The following BICD1 variants were observed in gnomAD, a reference collection of about 807,000 sequenced individuals.
BICD1 encodes the protein BICD cargo adaptor 1, also known as protein bicaudal D homolog 1.
BICD1 carries 35 observed loss-of-function variants against 92.5 expected under a neutral mutation model. The observed-to-expected ratio is 0.38, with a 90% CI of 0.29 to 0.50. BICD1 has a LOEUF of 0.50. Among genes scored for constraint, BICD1 ranks in the 20% least tolerant of loss-of-function variants. The pLI is 0.93. For missense variants in BICD1, 950 were observed against 1,189.8 expected (o/e 0.80, Z 2.97); for synonymous variants, 429 against 465.1 (o/e 0.92, Z 1.00).
intron 2 of BICD1, among the ~76,000 whole-genome samples, chr12:32,228,381 G>C (rs141413736): frequency 1.3e-5 from 2 of 152,230 alleles, no homozygotes; most frequent in African/African-American, 4.8e-5. Flanking sequence ...CTGCTCTATT[G>C]ATCTGTGTGT....
chr12:32,234,596 CAA>C (rs758851036), intron 2 of BICD1, among the ~76,000 whole-genome samples: 3 of 76,314 alleles, frequency 3.9e-5, no homozygotes, highest in Admixed American at 3.2e-4. Flanking sequence ...AACTCCGTCT[CAA>C]AAAAAAAAAA....
chr12:32,124,188 C>A (rs1942250587), intron 1 of BICD1, among the ~76,000 whole-genome samples: 1 of 152,164 alleles, frequency 6.6e-6, no homozygotes, highest in South Asian at 2.1e-4. Flanking sequence ...GTCTGTTATT[C>A]ATTTATTTAT....
intron 4 of BICD1, among the ~76,000 whole-genome samples, chr12:32,320,519 G>GT (rs1310021420): frequency 2.6e-5 from 4 of 152,266 alleles, no homozygotes; most frequent in African/African-American, 9.6e-5. Context: ...GCACGTGCCT[G>GT]TAATCCCAGC....
At chr12:32,293,331 T>G (rs1947771873) in intron 2 of BICD1, among the ~76,000 whole-genome samples, 2 of 152,122 alleles carry the variant, frequency 1.3e-5, no homozygotes, top group African/African-American at 4.8e-5. Context: ...TTTTTTTCTG[T>G]TTTTGAGATA....
intron 2 of BICD1, among the ~76,000 whole-genome samples, chr12:32,242,458 C>T (rs1308577904): frequency 6.6e-6 from 1 of 151,712 alleles, no homozygotes; most frequent in Non-Finnish European, 1.5e-5. Flanking sequence ...CCCCAGGAGG[C>T]GGACGTTGCA....
At position 32,138,883 on chromosome 12, in the gene BICD1, G is replaced by T. The variant is rs560701843; in HGVS notation, c.213+31339G>T. On this transcript the variant is annotated intron_variant, in intron 1 of 9. Coordinates refer to ENST00000652176, the MANE Select transcript of BICD1 (RefSeq NM_001714.4). ...TATAATTAGATATCTATATATAATA[G>T]ATTCTATGCTATGGGCATTGTAAGT... 5.3e-5 allele frequency among the ~76,000 whole-genome samples: 8 copies of T among 152,242 alleles called. No homozygotes were observed. In the South Asian group the frequency reaches 1.0e-3, roughly 20 times the overall value.
intron 2 of BICD1, among the ~76,000 whole-genome samples, chr12:32,260,211 C>T (rs1946822609): frequency 6.6e-6 from 1 of 152,210 alleles, no homozygotes; most frequent in Non-Finnish European, 1.5e-5. Flanking sequence ...AGGCATGAGC[C>T]ACCACGCCCA....
At chr12:32,355,658 T>G (rs1310356915) in intron 8 of BICD1, among the ~76,000 whole-genome samples, 2 of 151,874 alleles carry the variant, frequency 1.3e-5, no homozygotes, top group Admixed American at 1.3e-4. Context: ...AAAAATTAGC[T>G]GGGCGTGGTA....
At chr12:32,250,131 A>G (rs1339529130) in intron 2 of BICD1, among the ~76,000 whole-genome samples, 1 of 152,112 alleles carries the variant, frequency 6.6e-6, no homozygotes, top group Non-Finnish European at 1.5e-5. Context: ...ATCACAAAGA[A>G]ATTCTGTTTA....
chr12:32,329,386 C>T (rs1006419989), intron 5 of BICD1, among the ~76,000 whole-genome samples: 3 of 152,056 alleles, frequency 2.0e-5, no homozygotes, highest in African/African-American at 7.2e-5. Context: ...CATGAACCAC[C>T]GCGCCCAGCC....
chr12:32,245,348 G>A (rs1387454583), intron 2 of BICD1, among the ~76,000 whole-genome samples: 1 of 151,206 alleles, frequency 6.6e-6, no homozygotes, highest in Non-Finnish European at 1.5e-5. Flanking sequence ...CCAGGTTCAC[G>A]CCATTCTCAA....
Position 32,278,663 on chromosome 12 carries a change from C to A in BICD1, c.427-15331C>A, listed in dbSNP as rs577812151. Among the ~76,000 whole-genome samples the A allele has an allele frequency of 1.1e-4, 16 of 152,200 alleles. No homozygotes were observed. The South Asian group carries it at 3.3e-3, about 32-fold the overall frequency. The stretch of plus-strand genomic sequence containing the variant: ...GGTCAGGAGATCGAGACCATCCTGG[C>A]TAACACAGTGAAACCCTGTCTCTAC... On this transcript the variant is annotated intron_variant, in intron 2 of 9. Transcript: ENST00000652176.
intron 2 of BICD1, among the ~76,000 whole-genome samples, chr12:32,237,304 A>G (rs1004143009): frequency 6.6e-6 from 1 of 152,226 alleles, no homozygotes; most frequent in Non-Finnish European, 1.5e-5. Flanking sequence ...AAGGAAAGAC[A>G]CCATCTTCAT....
At chr12:32,180,852 A>G (rs900881029) in intron 1 of BICD1, among the ~76,000 whole-genome samples, 8 of 151,928 alleles carry the variant, frequency 5.3e-5, no homozygotes, top group Non-Finnish European at 8.8e-5. Flanking sequence ...TAGGTCTGCA[A>G]CATCAGTCAC....
chr12:32,130,960 C>T (rs1291436122), intron 1 of BICD1, among the ~76,000 whole-genome samples: 8 of 152,098 alleles, frequency 5.3e-5, no homozygotes, highest in Admixed American at 4.6e-4. Flanking sequence ...GCCTTAGCCT[C>T]TCAAGCTGGG....
At chr12:32,320,332 C>T (rs1023377804) in intron 4 of BICD1, among the ~76,000 whole-genome samples, 3 of 151,784 alleles carry the variant, frequency 2.0e-5, no homozygotes, top group Non-Finnish European at 4.4e-5. Flanking sequence ...ATAGAGAGAC[C>T]CCATCTCTAT....
At chr12:32,204,373 A>C (rs977036783) in intron 1 of BICD1, among the ~76,000 whole-genome samples, 6 of 151,970 alleles carry the variant, frequency 3.9e-5, no homozygotes, top group Non-Finnish European at 8.8e-5. Context: ...GAAAATGTGA[A>C]TGGTCAATAA....
At position 32,107,272 on chromosome 12, in the gene BICD1, C is replaced by A; in HGVS notation, c.-60C>A. 1.4e-6 allele frequency: 2 copies of A among 1,433,376 alleles called. No homozygotes were observed. Among genetic ancestry groups the A allele is most frequent in the Non-Finnish European group, 1.9e-6 (2 of 1,048,844 alleles). 88.8% of individuals were successfully genotyped at this position (1,433,376 alleles called of 1,614,324 possible). ...TCCCATTTCCTTCTCCCTTTCCCCGCCAGCTTCGCATCCATCTCCCCCACC... is the reference window on the plus strand; with the variant it reads ...TCCCATTTCCTTCTCCCTTTCCCCGACAGCTTCGCATCCATCTCCCCCACC... On this transcript the variant is annotated 5_prime_UTR_variant, in exon 1 of 10. Transcript: ENST00000652176.
In BICD1 at chr12:32,277,943, C is replaced by T. The variant is rs184399764; in HGVS notation, c.427-16051C>T. Among the ~76,000 whole-genome samples, 10 of 152,264 alleles carry T rather than the reference C, an allele frequency of 6.6e-5. No individual in the cohort carries two copies. In the East Asian group the frequency reaches 1.5e-3, roughly 24 times the overall value. On this transcript the variant is annotated intron_variant, in intron 2 of 9. Transcript: ENST00000652176. ...TTGCTCACTTCTTTCCCTTTCACAG[C>T]ACCTCTTCTCAATAAAAGTCTATAT... is the stretch of plus-strand genomic sequence containing the variant.
Sources: allele counts gnomAD v4.1 joint callset (sites outside exome capture counted in the v4.1 genomes callset), GRCh38; gene constraint gnomAD v4.1.1; transcripts MANE v1.5; gene names NCBI Gene and HGNC (gene_info 2026-07-23, HGNC 2026-07-21).